The following FYN variants were observed in gnomAD, a reference collection of about 807,000 sequenced individuals.
FYN encodes the protein tyrosine-protein kinase Fyn.
FYN carries 10 observed loss-of-function variants against 70.2 expected under a neutral mutation model. The observed-to-expected ratio is 0.14, with a 90% confidence interval of 0.09 to 0.24. The LOEUF (loss-of-function observed/expected upper bound fraction) is 0.24, where lower values mean the gene tolerates loss of function less well. FYN is among the 10% of genes least tolerant of loss of function. FYN has a pLI of 1.00. For missense variants in FYN, 319 were observed against 673.1 expected (o/e 0.47, Z 5.82); for synonymous variants, 236 against 248.6 (o/e 0.95, Z 0.48).
chr6:111,715,198 C>T (rs899135814), intron 4 of FYN, among the ~76,000 whole-genome samples: 28 of 152,082 alleles, frequency 1.8e-4, no homozygotes, highest in Non-Finnish European at 7.4e-5. Context: ...CAGAGAATAT[C>T]CAGTGTCATT....
At chr6:111,767,281 T>A (rs1001524913) in intron 3 of FYN, among the ~76,000 whole-genome samples, 3 of 152,210 alleles carry the variant, frequency 2.0e-5, no homozygotes, top group Non-Finnish European at 4.4e-5. Flanking sequence ...TCCCTTAATA[T>A]ATAAAAATCA....
chr6:111,713,511 G>A (rs967377864), intron 5 of FYN, among the ~76,000 whole-genome samples: 4 of 151,978 alleles, frequency 2.6e-5, no homozygotes, highest in Non-Finnish European at 5.9e-5. Context: ...TAGGGACGCT[G>A]GAGATGCCTG....
chr6:111,822,723 T>C (rs117589464), intron 2 of FYN, among the ~76,000 whole-genome samples: 6,287 of 147,402 alleles, frequency 0.043, 163 homozygotes, highest in East Asian at 0.15. Context: ...AAATAAACAG[T>C]AGAGGTAGAG....
At chr6:111,699,946 C>G (rs1168551928) in intron 9 of FYN, 158 bp downstream of exon 9, 2 of 348,794 alleles carry the variant, frequency 5.7e-6, no homozygotes, top group Non-Finnish European at 9.5e-6. Context: ...TTTAGGAATT[C>G]CAGAATGTTA....
At chr6:111,858,841 T>TAAAA (rs546524771) in intron 1 of FYN, among the ~76,000 whole-genome samples, 1 of 129,376 alleles carries the variant, frequency 7.7e-6, no homozygotes, top group Admixed American at 7.7e-5. Context: ...ACCTAGGATT[T>TAAAA]AAAAAAAAAA....
intron 2 of FYN, among the ~76,000 whole-genome samples, chr6:111,811,749 C>A (rs76823111): frequency 6.6e-6 from 1 of 152,092 alleles, no homozygotes; most frequent in African/African-American, 2.4e-5. Context: ...CTAATTAGAT[C>A]GTTCTGCCAG....
chr6:111,814,572 A>G (rs774050869), intron 2 of FYN, among the ~76,000 whole-genome samples: 1 of 152,156 alleles, frequency 6.6e-6, no homozygotes, highest in Non-Finnish European at 1.5e-5. Flanking sequence ...TTTTATATAC[A>G]TAGTATAGAA....
chr6:111,858,830 T>C (rs1401351354), intron 1 of FYN, among the ~76,000 whole-genome samples: 1 of 146,754 alleles, frequency 6.8e-6, no homozygotes, highest in Admixed American at 6.7e-5. Flanking sequence ...CCAGAACACT[T>C]ACCTAGGATT....
intron 13 of FYN, among the ~76,000 whole-genome samples, chr6:111,669,438 CAAAAAAAAAAAAA>C (rs10690295): frequency 1.8e-5 from 1 of 56,868 alleles, no homozygotes; most frequent in Non-Finnish European, 3.2e-5. Context: ...CCATCCATCT[CAAAAAAAAAAAAA>C]AAAAAAAAAG....
chr6:111,689,912 G>C (rs962295898), intron 12 of FYN, among the ~76,000 whole-genome samples: 4 of 152,174 alleles, frequency 2.6e-5, no homozygotes, highest in African/African-American at 9.7e-5. Context: ...TCGTTTTACT[G>C]TATGTGTGTT....
intron 9 of FYN, among the ~76,000 whole-genome samples, chr6:111,699,063 T>C (rs1007942449): frequency 1.3e-5 from 2 of 152,174 alleles, no homozygotes; most frequent in Non-Finnish European, 2.9e-5. Context: ...AGCCTAGTGA[T>C]AGAGCAAGAC....
intron 3 of FYN, among the ~76,000 whole-genome samples, chr6:111,742,175 T>C (rs1802006963): frequency 6.6e-6 from 1 of 152,178 alleles, no homozygotes; most frequent in Admixed American, 6.5e-5. Context: ...TCCTTTTTAC[T>C]ATAGAAAATC....
intron 1 of FYN, among the ~76,000 whole-genome samples, chr6:111,849,633 A>G (rs1773630472): frequency 6.6e-6 from 1 of 152,192 alleles, no homozygotes; most frequent in Non-Finnish European, 1.5e-5. Context: ...TACAGTAGCT[A>G]AGAAGGCAGC....
rs531278801 is a variant in FYN at position 111,791,365 on chromosome 6, A to C, written c.-81-10730T>G. Among the ~76,000 whole-genome samples, 52 of 152,402 alleles carry C rather than the reference A, an allele frequency of 3.4e-4. No individual in the cohort carries two copies. In the South Asian group the frequency reaches 0.011, roughly 32 times the overall value. On this transcript the variant is annotated intron_variant, in intron 2 of 13. Coordinates refer to ENST00000354650, the MANE Select transcript of FYN (RefSeq NM_002037.5). Reference sequence around the variant, plus strand: ...AATAAAAGTAATAAATGCTGGGTTCACTGGGTAGTATAGATTGAACCGTGT... The same window carrying C: ...AATAAAAGTAATAAATGCTGGGTTCCCTGGGTAGTATAGATTGAACCGTGT...
chr6:111,775,042 C>T (rs553880091), intron 3 of FYN, among the ~76,000 whole-genome samples: 1 of 152,260 alleles, frequency 6.6e-6, no homozygotes, highest in South Asian at 2.1e-4. Flanking sequence ...CTTAAATGAG[C>T]TATGCCTACG....
chr6:111,782,615 C>T (rs998530079), intron 2 of FYN, among the ~76,000 whole-genome samples: 1 of 152,144 alleles, frequency 6.6e-6, no homozygotes, highest in African/African-American at 2.4e-5. Flanking sequence ...ATCATTCTGT[C>T]AATATAGAGG....
At chr6:111,776,610 C>G (rs965756077) in intron 3 of FYN, among the ~76,000 whole-genome samples, 3 of 152,154 alleles carry the variant, frequency 2.0e-5, no homozygotes, top group Admixed American at 1.3e-4. Flanking sequence ...TACACCACAG[C>G]TTTTGGTAAG....
chr6:111,715,748 C>T (rs954382066), intron 4 of FYN, among the ~76,000 whole-genome samples: 8 of 152,294 alleles, frequency 5.3e-5, no homozygotes, highest in Middle Eastern at 3.4e-3. Context: ...GCCCAGCCAA[C>T]GTACCTTGAT....
At chr6:111,744,241 G>T (rs909573965) in intron 3 of FYN, among the ~76,000 whole-genome samples, 1 of 152,246 alleles carries the variant, frequency 6.6e-6, no homozygotes, top group African/African-American at 2.4e-5. Flanking sequence ...TGGGGACAAA[G>T]CTTCATATCT....
Sources: gnomAD v4.1 joint callset for allele counts (sites outside exome capture counted in the v4.1 genomes callset) on GRCh38, gnomAD v4.1.1 for gene constraint, MANE v1.5 for transcripts, NCBI Gene and HGNC (gene_info 2026-07-23, HGNC 2026-07-21) for gene names.